The following RAPGEF3 variants were observed in gnomAD, a reference collection of about 807,000 sequenced individuals.
RAPGEF3 encodes 9330170P05Rik.
RAPGEF3 carries 103 observed loss-of-function variants against 129.8 expected under a neutral mutation model. The ratio of observed to expected loss-of-function variants is 0.79; its 90% CI spans 0.68 to 0.93. RAPGEF3 has a LOEUF of 0.93. Among genes scored for constraint, RAPGEF3 ranks in the 40% least tolerant of loss-of-function variants. RAPGEF3 has a pLI of 0.00. For missense variants in RAPGEF3, 1,117 were observed against 1,207.4 expected (o/e 0.93, Z 1.11); for synonymous variants, 436 against 482.6 (o/e 0.90, Z 1.26).
chr12:47,758,782 G>A lies in RAPGEF3; in HGVS notation c.-226C>T, dbSNP rs1942259292. The A allele has an allele frequency of 2.4e-6, 3 of 1,230,380 alleles. No individual in the cohort carries two copies. The highest frequency in any genetic ancestry group is 3.0e-6 in the Non-Finnish European group (3 of 984,818). 76.2% of individuals were successfully genotyped at this position (1,230,380 alleles called of 1,614,324 possible). A position where few individuals can be genotyped will look rare whatever the true frequency, so the allele number is the denominator to read the frequency against. On this transcript the variant is annotated 5_prime_UTR_variant, in exon 1 of 28. Coordinates refer to ENST00000449771, the MANE Select transcript of RAPGEF3 (RefSeq NM_001098531.4). ...GTAGAGGGGTGGGGGCGTGGTGGGG[G>A]GACGCCACCCAGCCACCGGCGACAG...
At position 47,734,475 on chromosome 12, in the gene RAPGEF3, G is replaced by C. The variant is rs1402459778; in HGVS notation, c.*3092C>G. 6.6e-6 allele frequency: 1 copy of C among 152,242 alleles called. No individual in the cohort carries two copies. Among genetic ancestry groups the C allele is most frequent in the Non-Finnish European group, 1.5e-5 (1 of 68,062 alleles). 9.4% of individuals were successfully genotyped at this position (152,242 alleles called of 1,614,324 possible). ...TGCCGGGGGCATGGGGAAAGGGCAT[G>C]GCTGATACACATCCAGTTACTTCAC... On this transcript the variant is annotated 3_prime_UTR_variant, in exon 28 of 28. Transcript: ENST00000449771.
chr12:47,740,681 C>T lies in RAPGEF3; in HGVS notation c.2192G>A (p.Arg731Gln), dbSNP rs375977878. 24 of 1,613,762 alleles carry T rather than the reference C, an allele frequency of 1.5e-5. No homozygotes were observed. Among genetic ancestry groups the T allele is most frequent in the South Asian group, 9.9e-5 (9 of 91,074 alleles). ...AATGAACTTCCTGAGCAGCTGGGCC[C>T]GGGGGCCGGGCACGGGGCAGAGACA... The part of the protein sequence containing the change: ...ELCLCPVPGP[R>Q]AQLLRKFIKL... Residue 731 changes from arginine to glutamine, a missense_variant, in exon 21 of 28, where the codon CGG becomes CAG. Physicochemically the swap from Arg to Gln is conservative, Grantham distance 43. Coordinates refer to ENST00000449771, the MANE Select transcript of RAPGEF3 (RefSeq NM_001098531.4).
At chr12:47,753,604 C>T (rs1941884028) in intron 2 of RAPGEF3, among the ~76,000 whole-genome samples, 1 of 152,208 alleles carries the variant, frequency 6.6e-6, no homozygotes, top group Admixed American at 6.5e-5. Context: ...GACACAGAGC[C>T]CTGGAGACTT....
Position 47,748,167 on chromosome 12 carries a change from G to A in RAPGEF3, c.1244-15C>T, listed in dbSNP as rs984431113. On this transcript the variant is annotated splice_polypyrimidine_tract_variant and intron_variant, in intron 12 of 27. Coordinates refer to ENST00000449771, the MANE Select transcript of RAPGEF3 (RefSeq NM_001098531.4). ...GAGGAATGTCTCTGTATGACAGGGT[G>A]AGGGGATGGGAGGAGGCTTCAGAGG... 1.7e-5 allele frequency: 27 copies of A among 1,549,448 alleles called. No homozygotes were observed. Among genetic ancestry groups the A allele is most frequent in the Non-Finnish European group, 1.8e-5 (20 of 1,142,002 alleles).
Position 47,749,158 on chromosome 12 carries a change from TG to T in RAPGEF3, c.1042-228del. 1 of 565,026 alleles carries T rather than the reference TG, an allele frequency of 1.8e-6. No individual in the cohort carries two copies. Among genetic ancestry groups the T allele is most frequent in the Non-Finnish European group, 3.1e-6 (1 of 319,026 alleles). 35.0% of individuals were successfully genotyped at this position (565,026 alleles called of 1,614,324 possible). A position where few individuals can be genotyped will look rare whatever the true frequency, so the allele number is the denominator to read the frequency against. On this transcript the variant is annotated intron_variant, in intron 10 of 27. Coordinates refer to ENST00000449771, the MANE Select transcript of RAPGEF3 (RefSeq NM_001098531.4). The surrounding 1 kb of genome is among the most constrained non-coding windows in gnomAD (Gnocchi z 4.5). Reference sequence around the variant, plus strand: ...GCCCCCTGCATGCCCATCCTTCCCCTGGTCTCCCACACTGAGCCTGAAGTCA... The same window carrying T: ...GCCCCCTGCATGCCCATCCTTCCCCTGTCTCCCACACTGAGCCTGAAGTCA...
intron 18 of RAPGEF3, among the ~76,000 whole-genome samples, chr12:47,743,290 C>T (rs1309809116): frequency 6.6e-6 from 1 of 152,234 alleles, no homozygotes. Flanking sequence ...AGAGGACACA[C>T]AGATGGTGAG....
intron 23 of RAPGEF3, chr12:47,739,743 C>G (rs530463343): frequency 2.7e-6 from 1 of 370,188 alleles, no homozygotes; most frequent in African/African-American, 2.1e-5. Context: ...GCAAGCCCCT[C>G]GGAGTTCCTG....
chr12:47,749,081 T>C lies in RAPGEF3; in HGVS notation c.1042-150A>G. The stretch of plus-strand genomic sequence containing the variant: ...CACCTCCGACTTTGGCTCCACCTCC[T>C]CAGCCTTCCCTACCTTCCATGCATC... On this transcript the variant is annotated intron_variant, in intron 10 of 27. Coordinates refer to ENST00000449771, the MANE Select transcript of RAPGEF3 (RefSeq NM_001098531.4). This position sits in a 1 kb window ranked among gnomAD's most constrained non-coding sequence, Gnocchi z 4.5. The C allele has an allele frequency of 1.4e-6, 1 of 692,088 alleles. No homozygotes were observed. Among genetic ancestry groups the C allele is most frequent in the Non-Finnish European group, 2.5e-6 (1 of 404,788 alleles). The allele number at this position is 692,088 out of a possible 1,614,324, so 42.9% of individuals were successfully genotyped here. A position where few individuals can be genotyped will look rare whatever the true frequency, so the allele number is the denominator to read the frequency against.
chr12:47,744,007 G>T lies in RAPGEF3; in HGVS notation c.1658C>A (p.Ala553Asp), dbSNP rs780951186. The stretch of plus-strand genomic sequence containing the variant: ...CCAACCTTTATCCCCAACTTGGATG[G>T]CACAGCTGCTGCCAGGAAGGGGCTC... ...QDEPLPGSSC[A>D]IQVGDKVPYD... is the part of the protein sequence containing the mutation. The change falls in exon 17 of 28, where the codon GCC (alanine) becomes GAC (aspartate). Residue 553 changes from alanine (A) to aspartate (D), a missense_variant. This residue lies in a region of RAPGEF3 where 643 missense variants were observed against 673.4 expected (regional missense o/e 0.95). Coordinates refer to ENST00000449771, the MANE Select transcript of RAPGEF3 (RefSeq NM_001098531.4). 5 of 1,610,702 alleles carry T rather than the reference G, an allele frequency of 3.1e-6. No homozygotes were observed. The South Asian group carries it at 4.4e-5, about 14-fold the overall frequency.
At position 47,748,091 on chromosome 12, in the gene RAPGEF3, G is replaced by C. The variant is rs778925711; in HGVS notation, c.1305C>G (p.Cys435Trp). The C allele has an allele frequency of 6.3e-7, 1 of 1,586,582 alleles. No individual in the cohort carries two copies. Among genetic ancestry groups the C allele is most frequent in the African/African-American group, 1.3e-5 (1 of 74,458 alleles). The change falls in exon 13 of 28, where the codon TGC (cysteine) becomes TGG (tryptophan). Residue 435 changes from cysteine (C) to tryptophan (W), a missense_variant. Physicochemically the swap from Cys to Trp is radical, Grantham distance 215. Coordinates refer to ENST00000449771, the MANE Select transcript of RAPGEF3 (RefSeq NM_001098531.4). ...HRVFMPSAQL[C>W]AALLHHFHVE... ...AAGGATATTGGTGCAGAAGGGCAGC[G>C]CAGAGTTGGGCGCTGGGCATGAAGA... is the stretch of plus-strand genomic sequence containing the variant.
chr12:47,740,116 A>G (rs777361020), intron 23 of RAPGEF3, 25 bp downstream of exon 23: 2 of 1,608,900 alleles, frequency 1.2e-6, no homozygotes, highest in Non-Finnish European at 1.7e-6. Flanking sequence ...TAGCAGAGCC[A>G]GGCCGGGCAG....
rs372484520 is a variant in RAPGEF3 at position 47,740,622 on chromosome 12, C to G, written c.2231+20G>C. ...CCGGGGGGACTCTGGCCACGCCCTA[C>G]CCACTGGACAGGGACTCACTGGGCC... is the stretch of plus-strand genomic sequence containing the variant. On this transcript the variant is annotated intron_variant, in intron 21 of 27. Coordinates refer to ENST00000449771, the MANE Select transcript of RAPGEF3 (RefSeq NM_001098531.4). 2 of 1,612,348 alleles carry G rather than the reference C, an allele frequency of 1.2e-6. No individual in the cohort carries two copies. Among genetic ancestry groups the G allele is most frequent in the Non-Finnish European group, 1.7e-6 (2 of 1,179,242 alleles).
In RAPGEF3 at chr12:47,738,215, G is replaced by A. The variant is rs1412509566; in HGVS notation, c.2559C>T (p.His853=). 1.9e-6 allele frequency: 3 copies of A among 1,613,756 alleles called. No individual in the cohort carries two copies. The highest frequency in any genetic ancestry group is 2.2e-5 in the East Asian group (1 of 44,872). ...RMMARAARML[H]HCRSHNPVPL... is the part of the protein sequence containing the mutation. ...CACCAGGGTTGTGGCTTCGGCAGTG[G>A]TGCAGCATCCGCGCGGCTCTGGCCA... is the stretch of plus-strand genomic sequence containing the variant. The change falls in exon 26 of 28, where the codon CAC becomes CAT. Residue 853 remains histidine (H), a synonymous_variant. Coordinates refer to ENST00000449771, the MANE Select transcript of RAPGEF3 (RefSeq NM_001098531.4).
In RAPGEF3 at chr12:47,751,147, G is replaced by T; in HGVS notation, c.572C>A (p.Pro191His). 5 of 1,558,650 alleles carry T rather than the reference G, an allele frequency of 3.2e-6. No homozygotes were observed. Among genetic ancestry groups the T allele is most frequent in the Non-Finnish European group, 4.3e-6 (5 of 1,151,044 alleles). ...CTCCTCCATCTCATGAGTTCTCACG[G>T]GCTCGGGCTCGGGCCCGGGGAACCG... ...FYRFPGPEPE[P>H]VRTHEMEEEL... The change falls in exon 6 of 28, where the codon CCC becomes CAC. Residue 191 changes from proline to histidine, a missense_variant. Around this residue, in one of 3 missense-constraint regions of RAPGEF3, gnomAD observed 367 missense variants for 373.4 expected, o/e 0.98. Transcript: ENST00000449771.
Position 47,748,065 on chromosome 12 carries a change from G to A in RAPGEF3, c.1322+9C>T. On this transcript the variant is annotated intron_variant, in intron 13 of 27. Coordinates refer to ENST00000449771, the MANE Select transcript of RAPGEF3 (RefSeq NM_001098531.4). Reference sequence around the variant, plus strand: ...CATGCACACCATCCCCCTGGAGCTGGAAGGATATTGGTGCAGAAGGGCAGC... The same window carrying A: ...CATGCACACCATCCCCCTGGAGCTGAAAGGATATTGGTGCAGAAGGGCAGC... 6.3e-7 allele frequency: 1 copy of A among 1,576,050 alleles called. No homozygotes were observed. The highest frequency in any genetic ancestry group is 8.6e-7 in the Non-Finnish European group (1 of 1,158,808).
At chr12:47,751,356 GC>G in intron 5 of RAPGEF3, 42 bp downstream of exon 5, 2 of 1,611,124 alleles carry the variant, frequency 1.2e-6, no homozygotes, top group Non-Finnish European at 1.7e-6. Flanking sequence ...CCCCCTCACT[GC>G]CCAGCCCAGC....
Position 47,749,063 on chromosome 12 carries a change from G to A in RAPGEF3, c.1042-132C>T, listed in dbSNP as rs1250788359. 1.7e-5 allele frequency: 13 copies of A among 766,514 alleles called. No individual in the cohort carries two copies. Among genetic ancestry groups the A allele is most frequent in the South Asian group, 3.4e-5 (2 of 59,204 alleles). The allele number at this position is 766,514 out of a possible 1,614,324, so 47.5% of individuals were successfully genotyped here. A position where few individuals can be genotyped will look rare whatever the true frequency, so the allele number is the denominator to read the frequency against. ...GACCCACAGCCCTTCTCCCACCTCC[G>A]ACTTTGGCTCCACCTCCTCAGCCTT... is the stretch of plus-strand genomic sequence containing the variant. On this transcript the variant is annotated intron_variant, in intron 10 of 27. Transcript: ENST00000449771. The surrounding 1 kb of genome is among the most constrained non-coding windows in gnomAD (Gnocchi z 4.5).
intron 16 of RAPGEF3, 83 bp downstream of exon 16, chr12:47,746,777 C>T: frequency 7.0e-7 from 1 of 1,429,424 alleles, no homozygotes; most frequent in Non-Finnish European, 9.7e-7. Flanking sequence ...CCCACGCCCA[C>T]AGAGCCCCTC....
At chr12:47,752,613 T>G (rs757289052) in intron 2 of RAPGEF3, 1 of 155,300 alleles carries the variant, frequency 6.4e-6, no homozygotes, top group Non-Finnish European at 1.4e-5. Context: ...TCTCCTGAAC[T>G]GTAAAATCTA....
Sources: gnomAD v4.1 joint callset for allele counts (sites outside exome capture counted in the v4.1 genomes callset) on GRCh38, gnomAD v4.1.1 for gene constraint, gnomAD v4.1.1 regional missense constraint, Gnocchi (gnomAD v3.1) non-coding constraint, MANE v1.5 for transcripts, NCBI Gene and HGNC (gene_info 2026-07-23, HGNC 2026-07-21) for gene names.